The following ZNF267 variants were observed in gnomAD, a reference collection of about 807,000 sequenced individuals.
The protein encoded by ZNF267 is zinc finger protein 267, also known as zinc finger (C2H2).
ZNF267 carries 61 observed loss-of-function variants against 71.6 expected under a neutral mutation model. That is an observed-to-expected ratio of 0.85 (90% CI 0.69 to 1.05). ZNF267 has a LOEUF of 1.05. ZNF267 is among the 50% of genes least tolerant of loss of function. The pLI is 0.00. For missense variants in ZNF267, 852 were observed against 870.0 expected, an observed-to-expected ratio of 0.98 and a Z score of 0.26; for synonymous variants, 288 against 293.2, an observed-to-expected ratio of 0.98 and a Z score of 0.18.
intron 3 of ZNF267, among the ~76,000 whole-genome samples, chr16:31,900,941 C>G (rs1027268927): frequency 6.6e-6 from 1 of 151,966 alleles, no homozygotes; most frequent in African/African-American, 2.4e-5. Context: ...CTAATGCTAT[C>G]CCTCTCCTCT....
rs2084175496 is a variant in ZNF267, at chr16:31,916,197, C to G, written c.1948C>G (p.His650Asp). 1 of 1,614,052 alleles carries G rather than the reference C, an allele frequency of 6.2e-7. No homozygotes were observed. The highest frequency in any genetic ancestry group is 8.5e-7 in the Non-Finnish European group (1 of 1,180,038). Residue 650 changes from histidine (H) to aspartate (D), a missense_variant, in exon 4 of 4, where the codon CAT becomes GAT. Coordinates refer to ENST00000300870, the MANE Select transcript of ZNF267 (RefSeq NM_003414.6). The part of the protein sequence containing the change: ...AFNYRSYLTT[H>D]QRSHTGERPY... The stretch of plus-strand genomic sequence containing the variant: ...CAACTATAGGTCATACCTCACTACA[C>G]ATCAGAGAAGTCATACTGGAGAGAG...
At chr16:31,880,107 A>T (rs2083879593) in intron 1 of ZNF267, among the ~76,000 whole-genome samples, 2 of 152,162 alleles carry the variant, frequency 1.3e-5, no homozygotes, top group African/African-American at 4.8e-5. Context: ...TCCACCTGGG[A>T]TCCACAAGAC....
intron 3 of ZNF267, among the ~76,000 whole-genome samples, chr16:31,909,120 C>CTT (rs34409182): frequency 1.5e-4 from 7 of 45,330 alleles, no homozygotes; most frequent in African/African-American, 4.3e-4. Context: ...CTTTTCTTTT[C>CTT]TTTTTTTTTT....
chr16:31,880,735 C>T (rs2083883953), intron 1 of ZNF267, among the ~76,000 whole-genome samples: 1 of 152,144 alleles, frequency 6.6e-6, no homozygotes, highest in African/African-American at 2.4e-5. Flanking sequence ...AAGGAATCTC[C>T]TTATTTGGTA....
chr16:31,897,150 A>C (rs1318687916), intron 3 of ZNF267, among the ~76,000 whole-genome samples: 1 of 150,840 alleles, frequency 6.6e-6, no homozygotes, highest in East Asian at 1.9e-4. Context: ...AACAAAACAA[A>C]ACAAAACAAA....
chr16:31,915,684 C>A lies in ZNF267; in HGVS notation c.1435C>A (p.Leu479Ile). ...CSKSYARSSNLIMHQRVHTGE... is the reference protein window; with the variant it reads ...CSKSYARSSNIIMHQRVHTGE... ...CAAATCTTATGCTCGTTCTTCAAAT[C>A]TTATTATGCATCAGAGAGTTCATAC... The change falls in exon 4 of 4, where the codon CTT becomes ATT. Residue 479 changes from leucine to isoleucine, a missense_variant. Transcript: ENST00000300870. 1 of 1,613,772 alleles carries A rather than the reference C, an allele frequency of 6.2e-7. No homozygotes were observed. The highest frequency in any genetic ancestry group is 8.5e-7 in the Non-Finnish European group (1 of 1,179,950).
chr16:31,908,056 A>C (rs1038935399), intron 3 of ZNF267, among the ~76,000 whole-genome samples: 1 of 151,904 alleles, frequency 6.6e-6, no homozygotes, highest in Non-Finnish European at 1.5e-5. Context: ...AAAAAAAAAT[A>C]ATACTAATAA....
In ZNF267 at chr16:31,914,659, A is replaced by C; in HGVS notation, c.410A>C (p.Asp137Ala). 4 of 1,614,044 alleles carry C rather than the reference A, an allele frequency of 2.5e-6. No homozygotes were observed. The highest frequency in any genetic ancestry group is 3.4e-6 in the Non-Finnish European group (4 of 1,179,994). ...TATGATGAAAAGACTTTTAAATATG[A>C]TCAATTTGATGAATCCTCTGTTGAA... is the stretch of plus-strand genomic sequence containing the variant. ...GCYDEKTFKYDQFDESSVESL... is the reference protein window; with the variant it reads ...GCYDEKTFKYAQFDESSVESL... The change falls in exon 4 of 4, where the codon GAT becomes GCT. Residue 137 changes from aspartate (D) to alanine (A), a missense_variant. Coordinates refer to ENST00000300870, the MANE Select transcript of ZNF267 (RefSeq NM_003414.6).
intron 1 of ZNF267, among the ~76,000 whole-genome samples, chr16:31,881,072 A>G (rs1291633297): frequency 6.6e-6 from 1 of 152,070 alleles, no homozygotes; most frequent in Non-Finnish European, 1.5e-5. Flanking sequence ...TGTTATTATA[A>G]TTATTATTTA....
chr16:31,912,520 C>T (rs1295645962), intron 3 of ZNF267: 1 of 151,506 alleles, frequency 6.6e-6, no homozygotes, highest in Admixed American at 6.6e-5. Flanking sequence ...AGGTAGTCGT[C>T]TTTGGGTTCA....
chr16:31,901,682 T>G (rs1310765906), intron 3 of ZNF267, among the ~76,000 whole-genome samples: 1 of 152,220 alleles, frequency 6.6e-6, no homozygotes, highest in Non-Finnish European at 1.5e-5. Context: ...TCATTGTAGA[T>G]TCTGGATATT....
chr16:31,905,519 G>C (rs537765575), intron 3 of ZNF267, among the ~76,000 whole-genome samples: 4 of 151,736 alleles, frequency 2.6e-5, no homozygotes, highest in Admixed American at 6.6e-5. Context: ...TTCTCTTTTC[G>C]CTTCATTTCA....
At chr16:31,875,696 G>A (rs954826456) in intron 1 of ZNF267, among the ~76,000 whole-genome samples, 1 of 152,168 alleles carries the variant, frequency 6.6e-6, no homozygotes, top group African/African-American at 2.4e-5. Flanking sequence ...AAATGATACC[G>A]TGACCTGACT....
intron 3 of ZNF267, among the ~76,000 whole-genome samples, chr16:31,887,361 G>A (rs540809172): frequency 2.7e-5 from 4 of 146,956 alleles, no homozygotes; most frequent in Non-Finnish European, 6.0e-5. Flanking sequence ...TTCATGTTCT[G>A]TGTTTGCTGT....
intron 3 of ZNF267, among the ~76,000 whole-genome samples, chr16:31,892,530 T>C (rs1044813653): frequency 6.6e-6 from 1 of 152,172 alleles, no homozygotes; most frequent in Non-Finnish European, 1.5e-5. Flanking sequence ...ATGTCCACAG[T>C]CCAGAGTCTC....
At chr16:31,875,450 T>C (rs1368736369) in intron 1 of ZNF267, 3 of 635,098 alleles carry the variant, frequency 4.7e-6, no homozygotes, top group Non-Finnish European at 6.8e-6. Flanking sequence ...GGAGACACAT[T>C]GCTGGTCAGC....
chr16:31,909,938 T>G (rs2084123717), intron 3 of ZNF267, among the ~76,000 whole-genome samples: 1 of 152,206 alleles, frequency 6.6e-6, no homozygotes, highest in South Asian at 2.1e-4. Context: ...GGTATGTTCT[T>G]TCTATACCCA....
Position 31,916,009 on chromosome 16 carries a change from A to C in ZNF267, c.1760A>C (p.Asp587Ala), listed in dbSNP as rs1013707309. 1.2e-6 allele frequency: 2 copies of C among 1,611,380 alleles called. No homozygotes were observed. Among genetic ancestry groups the C allele is most frequent in the Non-Finnish European group, 1.7e-6 (2 of 1,178,658 alleles). ...AAAGCATGTAGCAAATCTTTTAGTG[A>C]CTCCTCAGGTCTTACTGTGCATCGG... ...KCKACSKSFS[D>A]SSGLTVHRRT... Residue 587 changes from aspartate (D) to alanine (A), a missense_variant, in exon 4 of 4, where the codon GAC (aspartate) becomes GCC (alanine). By Grantham distance (126) the Asp-to-Ala change is moderately radical. Coordinates refer to ENST00000300870, the MANE Select transcript of ZNF267 (RefSeq NM_003414.6).
chr16:31,914,320 A>G (rs944898595), intron 3 of ZNF267, 156 bp from the exon 4 acceptor site: 11 of 642,258 alleles, frequency 1.7e-5, no homozygotes, highest in Non-Finnish European at 2.8e-5. Context: ...ACTTTATTGT[A>G]GTAAAGTTTG....
Sources: allele counts gnomAD v4.1 joint callset (sites outside exome capture counted in the v4.1 genomes callset), GRCh38; gene constraint gnomAD v4.1.1; transcripts MANE v1.5; gene names NCBI Gene and HGNC (gene_info 2026-07-23, HGNC 2026-07-21).